The following NOC3L variants were observed in gnomAD, a reference collection of about 807,000 sequenced individuals.
NOC3L encodes the protein NOC3 like DNA replication regulator.
NOC3L carries 85 observed loss-of-function variants against 102.5 expected under a neutral mutation model. That is an observed-to-expected ratio of 0.83 (90% CI 0.70 to 0.99). The LOEUF (loss-of-function observed/expected upper bound fraction) is 0.99. Ranked by LOEUF, NOC3L falls within the 50% of genes least tolerant of loss-of-function variation. The probability of loss-of-function intolerance (pLI) is 0.00; values close to 1 mark genes in which losing one functional copy is unlikely to be tolerated. For missense variants in NOC3L, 878 were observed against 914.9 expected (o/e 0.96, Z 0.52); for synonymous variants, 303 against 309.4 (o/e 0.98, Z 0.22).
At chr10:94,337,660 G>C (rs909011892) in intron 19 of NOC3L, 117 bp downstream of exon 19, 3 of 625,618 alleles carry the variant, frequency 4.8e-6, no homozygotes, top group South Asian at 4.8e-5. Flanking sequence ...GACCAATCCA[G>C]ATACCCAACT....
intron 6 of NOC3L, among the ~76,000 whole-genome samples, chr10:94,354,667 C>A (rs997623553): frequency 6.6e-6 from 1 of 152,180 alleles, no homozygotes; most frequent in South Asian, 2.1e-4. Flanking sequence ...CTCCCTAATA[C>A]AATTTTATAA....
chr10:94,341,270 T>C (rs1270374056), intron 14 of NOC3L, among the ~76,000 whole-genome samples: 1 of 152,000 alleles, frequency 6.6e-6, no homozygotes. Context: ...CTATTATCTA[T>C]TTCAAAATAG....
chr10:94,336,680 A>AT (rs1212762243), intron 19 of NOC3L, among the ~76,000 whole-genome samples: 2 of 151,912 alleles, frequency 1.3e-5, no homozygotes, highest in Non-Finnish European at 2.9e-5. Flanking sequence ...AGTCTTAGGC[A>AT]TTTTTTATGG....
chr10:94,320,677 TTTAC>T, the NOC3L span, among the ~76,000 whole-genome samples: 3 of 152,304 alleles, frequency 2.0e-5, no homozygotes, highest in South Asian at 2.1e-4. Context: ...TTGTCTACTG[TTTAC>T]TTACTTTACC....
chr10:94,355,142 C>A, intron 5 of NOC3L, 49 bp from the exon 6 acceptor site: 1 of 1,471,248 alleles, frequency 6.8e-7, no homozygotes, highest in South Asian at 1.3e-5. Flanking sequence ...TTACAAGTAT[C>A]CAAGAATCTT....
chr10:94,323,221 T>C, the NOC3L span, among the ~76,000 whole-genome samples: 1 of 152,184 alleles, frequency 6.6e-6, no homozygotes, highest in Non-Finnish European at 1.5e-5. Context: ...TCTGAGAGTT[T>C]ACATGGTTTC....
At chr10:94,332,938 T>G (rs1420712630), downstream of NOC3L, 1 of 152,226 alleles carries the variant, frequency 6.6e-6, no homozygotes, top group African/African-American at 2.4e-5. Flanking sequence ...AATATTCATA[T>G]GCTGAATCAT....
intron 10 of NOC3L, among the ~76,000 whole-genome samples, chr10:94,348,607 TTA>T (rs992556802): frequency 6.6e-6 from 1 of 151,732 alleles, no homozygotes; most frequent in Non-Finnish European, 1.5e-5. Context: ...TAAAAAAAGT[TTA>T]TATATATATA....
chr10:94,334,125 G>T lies in NOC3L; in HGVS notation c.*52C>A. 1 of 796,898 alleles carries T rather than the reference G, an allele frequency of 1.3e-6. No individual in the cohort carries two copies. The highest frequency in any genetic ancestry group is 2.1e-6 in the Non-Finnish European group (1 of 471,402). The allele number at this position is 796,898 out of a possible 1,614,324, so 49.4% of individuals were successfully genotyped here. A position where few individuals can be genotyped will look rare whatever the true frequency, so the allele number is the denominator to read the frequency against. On this transcript the variant is annotated 3_prime_UTR_variant, in exon 21 of 21. Coordinates refer to ENST00000371361, the MANE Select transcript of NOC3L (RefSeq NM_022451.11). The stretch of plus-strand genomic sequence containing the variant: ...TCCTAAGTTAACAACTCATCTTTAT[G>T]TACATCTGCACACACAAATATACAA...
At chr10:94,327,174 G>A in the NOC3L span, among the ~76,000 whole-genome samples, 4 of 152,118 alleles carry the variant, frequency 2.6e-5, no homozygotes, top group Non-Finnish European at 4.4e-5. Flanking sequence ...ACAAAAGCTA[G>A]GGAGGCTTCT....
At position 94,349,398 on chromosome 10, in the gene NOC3L, A is replaced by G; in HGVS notation, c.1129-20T>C. 6.4e-7 allele frequency: 1 copy of G among 1,566,446 alleles called. No individual in the cohort carries two copies. On this transcript the variant is annotated intron_variant, in intron 9 of 20. Transcript: ENST00000371361. ...AGATATCTGAAAAATAAAATGTCAT[A>G]CTTAACCAGTGTTTCTCAACCTTAG...
the NOC3L span, chr10:94,324,752 C>A: frequency 1.0e-6 from 1 of 984,294 alleles, no homozygotes; most frequent in Non-Finnish European, 1.6e-6. Context: ...TGCGGTTAAG[C>A]AGTCCTAGAG....
the NOC3L span, among the ~76,000 whole-genome samples, chr10:94,320,151 A>C: frequency 5.9e-5 from 9 of 152,226 alleles, no homozygotes; most frequent in African/African-American, 2.2e-4. Context: ...TGACTGGTTA[A>C]ATATATGATG....
At chr10:94,360,617 T>G (rs2054541942) in intron 2 of NOC3L, among the ~76,000 whole-genome samples, 1 of 152,068 alleles carries the variant, frequency 6.6e-6, no homozygotes, top group African/African-American at 2.4e-5. Flanking sequence ...AAAATACACT[T>G]AGAAAAAGAT....
chr10:94,337,538 G>C (rs540557205), intron 19 of NOC3L, among the ~76,000 whole-genome samples: 14 of 143,566 alleles, frequency 9.8e-5, no homozygotes, highest in Admixed American at 2.8e-4. Flanking sequence ...AACTTTTCAC[G>C]ATTAAAAAAA....
intron 12 of NOC3L, 150 bp downstream of exon 12, chr10:94,344,703 C>G (rs552084850): frequency 1.4e-4 from 93 of 684,066 alleles, no homozygotes; most frequent in Non-Finnish European, 2.0e-4. Context: ...TAGCACTGAT[C>G]ACATCACAGT....
chr10:94,319,859 G>GTCAAAGT, the NOC3L span, among the ~76,000 whole-genome samples: 1 of 129,792 alleles, frequency 7.7e-6, no homozygotes, highest in African/African-American at 2.9e-5. Flanking sequence ...AGGCTCAAAG[G>GTCAAAGT]TGCTCTTTTT....
intron 3 of NOC3L, 66 bp from the exon 4 acceptor site, chr10:94,357,397 A>G (rs2054501725): frequency 2.2e-6 from 3 of 1,362,034 alleles, no homozygotes; most frequent in Non-Finnish European, 2.9e-6. Flanking sequence ...GAGACCTATC[A>G]TTTCAAAAGT....
At chr10:94,344,056 T>C (rs552482837) in intron 13 of NOC3L, among the ~76,000 whole-genome samples, 33 of 152,298 alleles carry the variant, frequency 2.2e-4, no homozygotes, top group Admixed American at 3.9e-4. Context: ...AGAGAAATGA[T>C]GTACAGCCGG....
Sources: gnomAD v4.1 joint callset for allele counts (sites outside exome capture counted in the v4.1 genomes callset) on GRCh38, gnomAD v4.1.1 for gene constraint, MANE v1.5 for transcripts, NCBI Gene and HGNC (gene_info 2026-07-23, HGNC 2026-07-21) for gene names.